KDM4C: variants seen among roughly 807,000 people sequenced by gnomAD.
KDM4C encodes lysine-specific demethylase 4C.
Under a neutral mutation model 129.3 loss-of-function variants are expected in KDM4C, and 81 were observed. That is an observed-to-expected ratio of 0.63 (90% CI 0.52 to 0.75). The LOEUF (loss-of-function observed/expected upper bound fraction) is 0.75, where lower values mean the gene tolerates loss of function less well. Among genes scored for constraint, KDM4C ranks in the 30% least tolerant of loss-of-function variants. The pLI, the probability that KDM4C is intolerant of heterozygous loss-of-function variation, is 0.00. For synonymous variants in KDM4C, 573 were observed against 456.1 expected (o/e 1.26, Z -3.26); for missense variants, 1,457 against 1,304.0 (o/e 1.12, Z -1.81).
In KDM4C at chr9:6,905,078, T is replaced by C. The variant is rs924888727; in HGVS notation, c.921+11846T>C. On this transcript the variant is annotated intron_variant, in intron 8 of 21. Coordinates refer to ENST00000381309, the MANE Select transcript of KDM4C (RefSeq NM_015061.6). ...CAGAGAGCAGATGGTGCTTAAAATA[T>C]CCTTTAATTTGATGTGCTTCTTAAA... Among the ~76,000 whole-genome samples, 10 of 152,226 alleles carry C rather than the reference T, an allele frequency of 6.6e-5. No individual in the cohort carries two copies. In the East Asian group the frequency reaches 1.9e-3, roughly 29 times the overall value.
chr9:7,032,628 A>C (rs917172553), intron 15 of KDM4C, among the ~76,000 whole-genome samples: 5 of 152,188 alleles, frequency 3.3e-5, no homozygotes, highest in Admixed American at 3.3e-4. Flanking sequence ...TCGTTTTACA[A>C]CTAATGAACC....
intron 3 of KDM4C, among the ~76,000 whole-genome samples, chr9:6,806,919 C>CCCACG (rs887530984): frequency 1.3e-5 from 2 of 151,028 alleles, no homozygotes; most frequent in African/African-American, 4.9e-5. Flanking sequence ...TCTCCCTCTC[C>CCCACG]GTCTCCCCAC....
chr9:7,022,441 T>TC (rs1278786737), intron 15 of KDM4C, among the ~76,000 whole-genome samples: 1 of 152,166 alleles, frequency 6.6e-6, no homozygotes, highest in Non-Finnish European at 1.5e-5. Context: ...TTTCTTGATT[T>TC]CTTTTTTAGA....
chr9:6,779,885 A>G (rs1823944518), intron 1 of KDM4C, among the ~76,000 whole-genome samples: 1 of 152,188 alleles, frequency 6.6e-6, no homozygotes. Flanking sequence ...CTTTCTAATA[A>G]TTGGTTCATT....
intron 8 of KDM4C, among the ~76,000 whole-genome samples, chr9:6,904,856 T>A (rs1818025467): frequency 6.6e-6 from 1 of 152,094 alleles, no homozygotes; most frequent in Admixed American, 6.5e-5. Context: ...AGTCAACAGT[T>A]TTGTGGCAAT....
chr9:6,850,413 T>C (rs1267860084), intron 5 of KDM4C, among the ~76,000 whole-genome samples: 3 of 152,190 alleles, frequency 2.0e-5, no homozygotes, highest in African/African-American at 7.2e-5. Flanking sequence ...ATCTTCATGA[T>C]CTTCTGGTTC....
At chr9:6,935,791 GT>G (rs1824672890) in intron 8 of KDM4C, among the ~76,000 whole-genome samples, 1 of 152,054 alleles carries the variant, frequency 6.6e-6, no homozygotes, top group Non-Finnish European at 1.5e-5. Flanking sequence ...GTTATGTGTT[GT>G]TATTGAACAG....
intron 17 of KDM4C, among the ~76,000 whole-genome samples, chr9:7,050,534 A>G (rs1259760917): frequency 1.3e-5 from 2 of 152,014 alleles, no homozygotes; most frequent in South Asian, 2.1e-4. Context: ...GAACTACCAC[A>G]TGTTAAATAA....
At chr9:7,079,797 A>G (rs1834326691) in intron 17 of KDM4C, among the ~76,000 whole-genome samples, 1 of 152,244 alleles carries the variant, frequency 6.6e-6, no homozygotes, top group African/African-American at 2.4e-5. Context: ...TCCTAGAAGT[A>G]CAATGCACTG....
chr9:6,740,603 C>G (rs935452324), intron 1 of KDM4C, among the ~76,000 whole-genome samples: 1 of 152,142 alleles, frequency 6.6e-6, no homozygotes, highest in African/African-American at 2.4e-5. Flanking sequence ...ACTGCAACCT[C>G]CATCTCCTGG....
chr9:7,030,151 T>C lies in KDM4C; in HGVS notation c.2259+14222T>C, dbSNP rs934314854. 2.6e-5 allele frequency among the ~76,000 whole-genome samples: 4 copies of C among 152,206 alleles called. No individual in the cohort carries two copies. The East Asian group carries it at 7.7e-4, about 29-fold the overall frequency. ...CTAGAATTTGTTTATTCTGGCTTGC[T>C]TTGTATTTCCATTTTGCTTTAATTA... On this transcript the variant is annotated intron_variant, in intron 15 of 21. Transcript: ENST00000381309.
intron 1 of KDM4C, among the ~76,000 whole-genome samples, chr9:6,762,590 T>C (rs535418171): frequency 6.7e-6 from 1 of 149,068 alleles, no homozygotes; most frequent in East Asian, 1.9e-4. Flanking sequence ...AATTTTATAA[T>C]ATAAATACAA....
At chr9:7,173,371 G>A (rs539564292) in intron 21 of KDM4C, among the ~76,000 whole-genome samples, 20 of 152,346 alleles carry the variant, frequency 1.3e-4, no homozygotes, top group African/African-American at 3.4e-4. Context: ...AGAGCACGGG[G>A]CAGGCTTCTG....
At chr9:6,808,987 A>C (rs573452353) in intron 3 of KDM4C, among the ~76,000 whole-genome samples, 5 of 152,258 alleles carry the variant, frequency 3.3e-5, no homozygotes, top group Admixed American at 6.5e-5. Context: ...ATAGTTTCCA[A>C]ATTCCCTGGA....
chr9:7,095,204 C>T (rs1046730688), intron 17 of KDM4C, among the ~76,000 whole-genome samples: 1 of 152,150 alleles, frequency 6.6e-6, no homozygotes, highest in South Asian at 2.1e-4. Context: ...ACTGTTCCAC[C>T]CCGGTCCTCA....
chr9:7,135,848 C>G (rs1338302525), intron 19 of KDM4C, among the ~76,000 whole-genome samples: 1 of 152,198 alleles, frequency 6.6e-6, no homozygotes, highest in Non-Finnish European at 1.5e-5. Flanking sequence ...AAGACAGTGG[C>G]AGACATCTCT....
intron 4 of KDM4C, among the ~76,000 whole-genome samples, chr9:6,815,466 C>T (rs762826263): frequency 6.6e-6 from 1 of 152,076 alleles, no homozygotes; most frequent in Admixed American, 6.6e-5. Flanking sequence ...CTAACTGCCT[C>T]GGCCTCCTAA....
chr9:7,161,734 T>C (rs1009285203), intron 19 of KDM4C, among the ~76,000 whole-genome samples: 1 of 152,302 alleles, frequency 6.6e-6, no homozygotes, highest in African/African-American at 2.4e-5. Context: ...TAAATAGGTT[T>C]TGAATTAGTG....
intron 8 of KDM4C, among the ~76,000 whole-genome samples, chr9:6,930,770 A>G (rs1823578319): frequency 6.7e-6 from 1 of 150,010 alleles, no homozygotes; most frequent in Non-Finnish European, 1.5e-5. Flanking sequence ...ATATTCATGT[A>G]TCATTCTTTC....
Sources: allele counts gnomAD v4.1 joint callset (sites outside exome capture counted in the v4.1 genomes callset), GRCh38; gene constraint gnomAD v4.1.1; transcripts MANE v1.5; gene names NCBI Gene and HGNC (gene_info 2026-07-23, HGNC 2026-07-21).